SORCS1: variants seen among roughly 807,000 people sequenced by gnomAD.
The protein encoded by SORCS1 is VPS10 domain-containing receptor SorCS1.
In SORCS1, 60 loss-of-function variants were observed where a neutral mutation model predicts 146.1. The observed-to-expected ratio is 0.41, with a 90% CI of 0.33 to 0.51. The LOEUF is 0.51. Among genes scored for constraint, SORCS1 ranks in the 20% least tolerant of loss-of-function variants. The pLI is 0.21. For synonymous variants in SORCS1, 637 were observed against 584.0 expected (o/e 1.09, Z -1.31); for missense variants, 1,352 against 1,487.6 (o/e 0.91, Z 1.50).
intron 1 of SORCS1, 151 bp from the exon 2 acceptor site, chr10:106,956,731 G>A: frequency 1.5e-6 from 1 of 682,962 alleles, no homozygotes; most frequent in South Asian, 1.9e-5. Flanking sequence ...ACTGGGGAAA[G>A]GTTGGCTTGT....
At chr10:106,580,321 G>C (rs1269368099) in intron 24 of SORCS1, among the ~76,000 whole-genome samples, 2 of 152,122 alleles carry the variant, frequency 1.3e-5, no homozygotes, top group Non-Finnish European at 2.9e-5. Flanking sequence ...TTTTCTCTCA[G>C]ACAAAACAGA....
chr10:106,991,840 G>A (rs950874541), intron 1 of SORCS1, among the ~76,000 whole-genome samples: 3 of 152,084 alleles, frequency 2.0e-5, no homozygotes, highest in African/African-American at 7.2e-5. Flanking sequence ...AGTCATTTTT[G>A]CATTTTCCTT....
chr10:106,590,903 C>T (rs972005455), intron 24 of SORCS1, among the ~76,000 whole-genome samples: 2 of 152,190 alleles, frequency 1.3e-5, no homozygotes, highest in African/African-American at 2.4e-5. Context: ...GATCCACCCA[C>T]CTCATGCTCC....
Position 106,660,062 on chromosome 10 carries a change from G to T in SORCS1, c.2304-7509C>A, listed in dbSNP as rs79266425. Among the ~76,000 whole-genome samples, 973 of 152,174 alleles carry T rather than the reference G, an allele frequency of 6.4e-3. 14 individuals are homozygous for T. The highest frequency in any genetic ancestry group is 0.022 in the African/African-American group (921 of 41,502). On this transcript the variant is annotated intron_variant, in intron 17 of 25. Coordinates refer to ENST00000263054, the MANE Select transcript of SORCS1 (RefSeq NM_052918.5). The stretch of plus-strand genomic sequence containing the variant: ...TTTAAACACATGCACCATTTTTAGG[G>T]CCAATTATTCTCCTTGACGCACACT...
At chr10:106,823,407 C>T (rs1948151165) in intron 3 of SORCS1, among the ~76,000 whole-genome samples, 3 of 152,142 alleles carry the variant, frequency 2.0e-5, no homozygotes, top group Admixed American at 2.0e-4. Flanking sequence ...TTCTTGTTTA[C>T]TCACTTGAAA....
At chr10:106,802,627 T>C (rs137953674) in intron 3 of SORCS1, among the ~76,000 whole-genome samples, 13,652 of 152,186 alleles carry the variant, frequency 0.09, 741 homozygotes, top group East Asian at 0.19. Context: ...GCCTCCCACG[T>C]AGCTGGGATT....
intron 16 of SORCS1, 92 bp from the exon 17 acceptor site, chr10:106,667,894 TCAA>T (rs1396328889): frequency 1.4e-5 from 10 of 702,288 alleles, no homozygotes; most frequent in Non-Finnish European, 2.2e-5. Context: ...TCCACACTAA[TCAA>T]TTAGTCATAA....
intron 5 of SORCS1, among the ~76,000 whole-genome samples, chr10:106,743,528 G>A (rs993089004): frequency 1.3e-5 from 2 of 152,128 alleles, no homozygotes; most frequent in Non-Finnish European, 2.9e-5. Context: ...AGGTTCAAGT[G>A]ATTCTCCTGC....
At chr10:106,824,803 A>G (rs1948219965) in intron 3 of SORCS1, among the ~76,000 whole-genome samples, 1 of 152,184 alleles carries the variant, frequency 6.6e-6, no homozygotes. Context: ...AGGAATGACC[A>G]ATGTATTCTG....
At chr10:106,858,119 C>T (rs1183025373) in intron 2 of SORCS1, among the ~76,000 whole-genome samples, 1 of 152,158 alleles carries the variant, frequency 6.6e-6, no homozygotes, top group Non-Finnish European at 1.5e-5. Context: ...GTAAAATTGA[C>T]ATAAAAATAT....
At chr10:106,682,193 A>G (rs1188949839) in intron 10 of SORCS1, among the ~76,000 whole-genome samples, 1 of 152,118 alleles carries the variant, frequency 6.6e-6, no homozygotes, top group Non-Finnish European at 1.5e-5. Flanking sequence ...AACAAGAACA[A>G]AGAAAAGATG....
chr10:107,114,872 A>G lies in SORCS1; in HGVS notation c.558+49097T>C, dbSNP rs538268815. 2.0e-5 allele frequency among the ~76,000 whole-genome samples: 3 copies of G among 152,236 alleles called. No homozygotes were observed. In the East Asian group the frequency reaches 5.8e-4, roughly 29 times the overall value. ...GAAAAACTTAAACATTCTACCAAAA[A>G]CCTGTCAGAACTAATAAATAAATTC... On this transcript the variant is annotated intron_variant, in intron 1 of 25. Coordinates refer to ENST00000263054, the MANE Select transcript of SORCS1 (RefSeq NM_052918.5).
chr10:107,117,012 T>C (rs1379361956), intron 1 of SORCS1, among the ~76,000 whole-genome samples: 1 of 152,106 alleles, frequency 6.6e-6, no homozygotes, highest in East Asian at 1.9e-4. Context: ...TTTGTCAGAA[T>C]TAAAATCCAA....
chr10:107,104,217 T>C (rs568892628), intron 1 of SORCS1, among the ~76,000 whole-genome samples: 4 of 152,198 alleles, frequency 2.6e-5, no homozygotes, highest in African/African-American at 2.4e-5. Context: ...AATTAGTCTC[T>C]CCCTACCTCT....
At chr10:106,782,654 T>A (rs182915857) in intron 3 of SORCS1, among the ~76,000 whole-genome samples, 11 of 152,220 alleles carry the variant, frequency 7.2e-5, no homozygotes, top group Non-Finnish European at 1.2e-4. Context: ...GTATAGGACA[T>A]CTCTTCTTAT....
intron 6 of SORCS1, among the ~76,000 whole-genome samples, chr10:106,713,528 T>A (rs1855145766): frequency 1.3e-5 from 2 of 152,210 alleles, no homozygotes; most frequent in Admixed American, 6.5e-5. Flanking sequence ...AAATTATTAA[T>A]CTAAGGAATT....
chr10:107,150,986 A>T (rs1968746891), intron 1 of SORCS1, among the ~76,000 whole-genome samples: 1 of 152,184 alleles, frequency 6.6e-6, no homozygotes, highest in Admixed American at 6.5e-5. Flanking sequence ...ACAGTAAATT[A>T]GTACTGAGTA....
At chr10:106,722,862 A>C (rs948546782) in intron 6 of SORCS1, among the ~76,000 whole-genome samples, 70 of 152,230 alleles carry the variant, frequency 4.6e-4, no homozygotes, top group African/African-American at 1.6e-3. Context: ...AAGTTATGTT[A>C]TTTTCCTCCA....
At chr10:106,760,169 G>C (rs1353843418) in intron 5 of SORCS1, among the ~76,000 whole-genome samples, 2 of 152,132 alleles carry the variant, frequency 1.3e-5, no homozygotes, top group Non-Finnish European at 2.9e-5. Flanking sequence ...AAGAGGCCGG[G>C]CGTGATGGCT....
Sources: allele counts gnomAD v4.1 joint callset (sites outside exome capture counted in the v4.1 genomes callset), GRCh38; gene constraint gnomAD v4.1.1; transcripts MANE v1.5; gene names NCBI Gene and HGNC (gene_info 2026-07-23, HGNC 2026-07-21).